PPEF2: variants seen among roughly 807,000 people sequenced by gnomAD.
The protein encoded by PPEF2 is protein phosphatase with EF-hand domain 2.
A neutral mutation model predicts 84.7 loss-of-function variants in PPEF2; 84 were observed. The observed-to-expected ratio is 0.99, with a 90% CI of 0.83 to 1.19. The LOEUF (loss-of-function observed/expected upper bound fraction) is 1.19, where lower values mean the gene tolerates loss of function less well. Among genes scored for constraint, PPEF2 ranks in the 50% most tolerant of loss-of-function variants. PPEF2 has a pLI of 0.00. For synonymous variants in PPEF2, 346 were observed against 345.2 expected, an observed-to-expected ratio of 1.00 and a Z score of -0.03; for missense variants, 924 against 937.5, an observed-to-expected ratio of 0.99 and a Z score of 0.19.
At chr4:75,872,310 C>CT (rs1724301513) in intron 12 of PPEF2, 143 bp from the exon 13 acceptor site, 2 of 842,926 alleles carry the variant, frequency 2.4e-6, no homozygotes, top group Non-Finnish European at 3.4e-6. Flanking sequence ...TTCTTTCTTT[C>CT]TTTTTTTCTA....
intron 2 of PPEF2, among the ~76,000 whole-genome samples, chr4:75,893,802 A>G (rs981603253): frequency 6.6e-5 from 10 of 151,148 alleles, no homozygotes; most frequent in African/African-American, 9.9e-5. Flanking sequence ...CATACGTATT[A>G]CATCCTCAGT....
At chr4:75,878,258 A>G (rs976956359) in intron 10 of PPEF2, among the ~76,000 whole-genome samples, 1 of 152,204 alleles carries the variant, frequency 6.6e-6, no homozygotes, top group Non-Finnish European at 1.5e-5. Context: ...TGGGCTGAGG[A>G]CATAAGTGGC....
chr4:75,875,576 T>C (rs556821296), intron 11 of PPEF2, among the ~76,000 whole-genome samples: 1 of 152,160 alleles, frequency 6.6e-6, no homozygotes, highest in East Asian at 1.9e-4. Flanking sequence ...GCCACTGTAC[T>C]CCAGCCTGGG....
intron 8 of PPEF2, chr4:75,883,465 T>A: frequency 2.2e-6 from 1 of 452,016 alleles, no homozygotes; most frequent in Non-Finnish European, 3.9e-6. Flanking sequence ...TGATAGAGTA[T>A]GTGTATGCAA....
intron 2 of PPEF2, among the ~76,000 whole-genome samples, chr4:75,894,836 C>T (rs768716821): frequency 6.6e-6 from 1 of 152,156 alleles, no homozygotes; most frequent in Non-Finnish European, 1.5e-5. Flanking sequence ...CAGCCTGTGG[C>T]GTGTGTGGGT....
At chr4:75,868,309 C>T (rs563581779) in intron 13 of PPEF2, among the ~76,000 whole-genome samples, 860 of 31,836 alleles carry the variant, frequency 0.027, 14 homozygotes, top group Non-Finnish European at 0.047. Flanking sequence ...AAGTAAGACC[C>T]TGTCTCAAAA....
Position 75,883,044 on chromosome 4 carries a change from T to G in PPEF2, c.815A>C (p.Gln272Pro). 6.2e-7 allele frequency: 1 copy of G among 1,614,170 alleles called. No individual in the cohort carries two copies. Among genetic ancestry groups the G allele is most frequent in the Non-Finnish European group, 8.5e-7 (1 of 1,180,012 alleles). The change falls in exon 10 of 17, where the codon CAA (glutamine) becomes CCA (proline). Residue 272 changes from glutamine to proline, a missense_variant. Coordinates refer to ENST00000286719, the MANE Select transcript of PPEF2 (RefSeq NM_006239.3). ...VHGKEILRTL[Q>P]DVFCWLPLAT... ...CAGTGGAAGCCAACAGAAAACATCTTGCAGGGTTCTTAGTATTTCCTTCCC... is the reference window on the plus strand; with the variant it reads ...CAGTGGAAGCCAACAGAAAACATCTGGCAGGGTTCTTAGTATTTCCTTCCC...
chr4:75,875,068 AT>A (rs901529021), intron 11 of PPEF2, among the ~76,000 whole-genome samples: 4 of 150,538 alleles, frequency 2.7e-5, no homozygotes, highest in South Asian at 2.1e-4. Context: ...TGCCTGGCTA[AT>A]TTTTTTTTGT....
At position 75,883,033 on chromosome 4, in the gene PPEF2, A is replaced by G. The variant is rs916397260; in HGVS notation, c.826T>C (p.Cys276Arg). 7 of 1,614,126 alleles carry G rather than the reference A, an allele frequency of 4.3e-6. No individual in the cohort carries two copies. In the African/African-American group the frequency reaches 5.3e-5, roughly 12 times the overall value. The change falls in exon 10 of 17, where the codon TGT becomes CGT. Residue 276 changes from cysteine (C) to arginine (R), a missense_variant. Cys to Arg is a radical substitution (Grantham distance 180). Coordinates refer to ENST00000286719, the MANE Select transcript of PPEF2 (RefSeq NM_006239.3). ...ATCAGAGTGGCCAGTGGAAGCCAAC[A>G]GAAAACATCTTGCAGGGTTCTTAGT... ...EILRTLQDVFCWLPLATLIDE... is the reference protein window; with the variant it reads ...EILRTLQDVFRWLPLATLIDE...
intron 1 of PPEF2, among the ~76,000 whole-genome samples, chr4:75,898,867 C>A (rs1725063986): frequency 6.6e-6 from 1 of 151,966 alleles, no homozygotes; most frequent in Non-Finnish European, 1.5e-5. Context: ...TGAGGACATT[C>A]AAAATTCTCT....
chr4:75,877,435 GGGAA>G lies in PPEF2; in HGVS notation c.934-766_934-763del, dbSNP rs141760946. On this transcript the variant is annotated intron_variant, in intron 10 of 16. Coordinates refer to ENST00000286719, the MANE Select transcript of PPEF2 (RefSeq NM_006239.3). ...AAAGAGAGAGAAAGGAAGGAAAGAA[GGGAA>G]GGAAGGAAGGAAGGAACTGTAGGTC... 3.3e-3 allele frequency among the ~76,000 whole-genome samples: 501 copies of G among 151,544 alleles called. 1 individual carries two copies. The highest frequency in any genetic ancestry group is 8.8e-3 in the African/African-American group (363 of 41,322).
At chr4:75,871,242 T>C (rs1724268025) in intron 13 of PPEF2, among the ~76,000 whole-genome samples, 1 of 152,008 alleles carries the variant, frequency 6.6e-6, no homozygotes, top group Non-Finnish European at 1.5e-5. Context: ...TCGAGTAGTA[T>C]TATATGCTTC....
At chr4:75,872,541 G>A (rs1307743403) in intron 12 of PPEF2, among the ~76,000 whole-genome samples, 1 of 152,168 alleles carries the variant, frequency 6.6e-6, no homozygotes, top group Non-Finnish European at 1.5e-5. Flanking sequence ...CTGATGTGGT[G>A]CCTTAAAGCA....
At chr4:75,894,494 A>C (rs1200576167) in intron 2 of PPEF2, among the ~76,000 whole-genome samples, 1 of 152,232 alleles carries the variant, frequency 6.6e-6, no homozygotes, top group Non-Finnish European at 1.5e-5. Flanking sequence ...TTTAACCAAT[A>C]GTTGAAATCA....
intron 5 of PPEF2, 30 bp from the exon 6 acceptor site, chr4:75,888,358 AAAC>A (rs760720178): frequency 2.0e-6 from 3 of 1,499,286 alleles, no homozygotes; most frequent in South Asian, 1.1e-5. Context: ...GGAAGGAAGA[AAAC>A]AACACTGATA....
intron 10 of PPEF2, 87 bp from the exon 11 acceptor site, chr4:75,876,760 C>T: frequency 7.2e-7 from 1 of 1,391,854 alleles, no homozygotes; most frequent in Non-Finnish European, 9.6e-7. Context: ...AATCCTAGAA[C>T]TTTGGGAGAC....
intron 8 of PPEF2, chr4:75,883,542 G>C (rs1306573886): frequency 4.2e-6 from 1 of 240,008 alleles, no homozygotes; most frequent in Middle Eastern, 1.6e-3. Context: ...ATCTGGGCTG[G>C]GCATGGTGGC....
intron 11 of PPEF2, among the ~76,000 whole-genome samples, chr4:75,873,918 T>A (rs1724346611): frequency 6.6e-6 from 1 of 151,360 alleles, no homozygotes; most frequent in Non-Finnish European, 1.5e-5. Context: ...ACCAGCCTGG[T>A]CAACATGTGA....
At chr4:75,868,684 G>A (rs1270484453) in intron 13 of PPEF2, among the ~76,000 whole-genome samples, 1 of 151,866 alleles carries the variant, frequency 6.6e-6, no homozygotes, top group Non-Finnish European at 1.5e-5. Flanking sequence ...CAACCAGAAT[G>A]AGACCCTGTC....
Sources: allele counts gnomAD v4.1 joint callset (sites outside exome capture counted in the v4.1 genomes callset), GRCh38; gene constraint gnomAD v4.1.1; transcripts MANE v1.5; gene names NCBI Gene and HGNC (gene_info 2026-07-23, HGNC 2026-07-21).